Variants in COLEC12 observed in about 807,000 individuals in gnomAD.
COLEC12 encodes collectin subfamily member 12.
In COLEC12, 33 loss-of-function variants were observed where a neutral mutation model predicts 71.1. That is an observed-to-expected ratio of 0.46 (90% confidence interval 0.35 to 0.62). The LOEUF (loss-of-function observed/expected upper bound fraction) is 0.62. COLEC12 is among the 20% of genes least tolerant of loss of function. The probability of loss-of-function intolerance (pLI) is 0.00; values close to 1 mark genes in which losing one functional copy is unlikely to be tolerated. For synonymous variants in COLEC12, 350 were observed against 353.0 expected (o/e 0.99, Z 0.10); for missense variants, 765 against 916.1 (o/e 0.84, Z 2.13).
At chr18:433,444 T>C (rs550251019) in intron 2 of COLEC12, among the ~76,000 whole-genome samples, 4 of 152,270 alleles carry the variant, frequency 2.6e-5, no homozygotes, top group Admixed American at 6.5e-5. Flanking sequence ...AAACCTCAGA[T>C]AGTCTGAAGG....
chr18:425,891 CT>C (rs1916190002), intron 2 of COLEC12, among the ~76,000 whole-genome samples: 1 of 152,196 alleles, frequency 6.6e-6, no homozygotes, highest in South Asian at 2.1e-4. Context: ...GAACCCCAAG[CT>C]AAGCCGAGAG....
intron 2 of COLEC12, among the ~76,000 whole-genome samples, chr18:435,912 C>T (rs1224039395): frequency 6.6e-6 from 1 of 152,182 alleles, no homozygotes; most frequent in East Asian, 1.9e-4. Context: ...TGGTAAAAGA[C>T]TCAGACGGCA....
Position 344,362 on chromosome 18 carries a change from G to A in COLEC12, c.1327+1933C>T, listed in dbSNP as rs149379761. On this transcript the variant is annotated intron_variant, in intron 5 of 9. Transcript: ENST00000400256. Reference sequence around the variant, plus strand: ...CACCCAGTGGCATTCCTCAGACAGAGCAACTTTAAATAAGTGCAGATGGCT... The same window carrying A: ...CACCCAGTGGCATTCCTCAGACAGAACAACTTTAAATAAGTGCAGATGGCT... Among the ~76,000 whole-genome samples the A allele has an allele frequency of 2.6e-5, 4 of 152,310 alleles. No homozygotes were observed. In the South Asian group the frequency reaches 6.2e-4, roughly 24 times the overall value.
intron 1 of COLEC12, among the ~76,000 whole-genome samples, chr18:499,310 C>A (rs1324534060): frequency 6.6e-6 from 1 of 152,180 alleles, no homozygotes; most frequent in Non-Finnish European, 1.5e-5. Flanking sequence ...CAGTCACCTC[C>A]CTTCCCGAGG....
At chr18:336,592 C>T (rs1193476060) in intron 5 of COLEC12, among the ~76,000 whole-genome samples, 1 of 152,148 alleles carries the variant, frequency 6.6e-6, no homozygotes, top group Non-Finnish European at 1.5e-5. Context: ...CTGACCTTGC[C>T]TGTGCGGTAG....
chr18:346,923 A>G lies in COLEC12; in HGVS notation c.699T>C (p.Ala233=). The G allele has an allele frequency of 4.3e-6, 7 of 1,614,178 alleles. No individual in the cohort carries two copies. Among genetic ancestry groups the G allele is most frequent in the Non-Finnish European group, 5.9e-6 (7 of 1,180,008 alleles). Residue 233 remains alanine (A), a synonymous_variant, in exon 5 of 10, where the codon GCT becomes GCC. Coordinates refer to ENST00000400256, the MANE Select transcript of COLEC12 (RefSeq NM_130386.3). This position sits in a 1 kb window ranked among gnomAD's most constrained non-coding sequence, Gnocchi z 4.0. ...LQRSVDDTSQ[A]IQRIKNDFQN... is the part of the protein sequence containing the mutation. ...GAAAGTCGTTCTTGATTCGCTGGATAGCCTGGCTTGTGTCATCCACAGACC... is the reference window on the plus strand; with the variant it reads ...GAAAGTCGTTCTTGATTCGCTGGATGGCCTGGCTTGTGTCATCCACAGACC...
chr18:444,630 A>G (rs1916610073), intron 2 of COLEC12, among the ~76,000 whole-genome samples: 2 of 152,086 alleles, frequency 1.3e-5, no homozygotes. Flanking sequence ...AATTTTTTGG[A>G]GGTGGGGGTG....
intron 1 of COLEC12, among the ~76,000 whole-genome samples, chr18:485,201 C>T (rs912366853): frequency 4.6e-5 from 7 of 152,198 alleles, no homozygotes; most frequent in African/African-American, 7.2e-5. Flanking sequence ...TTTACAGTAT[C>T]GGGGCCTGCA....
chr18:403,481 G>A (rs756610560), intron 2 of COLEC12, among the ~76,000 whole-genome samples: 39 of 152,198 alleles, frequency 2.6e-4, no homozygotes, highest in Non-Finnish European at 5.1e-4. Flanking sequence ...GACAGCCTGG[G>A]TATGCTCACA....
chr18:472,343 T>G (rs1917213896), intron 2 of COLEC12, among the ~76,000 whole-genome samples: 3 of 152,264 alleles, frequency 2.0e-5, no homozygotes, highest in African/African-American at 7.2e-5. Context: ...TCTTTACTGA[T>G]GGCCACCAAC....
At chr18:364,518 G>C (rs1176597413) in intron 2 of COLEC12, among the ~76,000 whole-genome samples, 1 of 152,190 alleles carries the variant, frequency 6.6e-6, no homozygotes, top group Non-Finnish European at 1.5e-5. Flanking sequence ...TGGGCACAGA[G>C]TGAACTGTCA....
intron 2 of COLEC12, among the ~76,000 whole-genome samples, chr18:442,948 G>A (rs1205647833): frequency 2.6e-5 from 4 of 152,180 alleles, no homozygotes; most frequent in African/African-American, 4.8e-5. Context: ...GCGACAGAGC[G>A]AGACTCTGTC....
At chr18:385,848 T>C (rs1915333613) in intron 2 of COLEC12, among the ~76,000 whole-genome samples, 1 of 151,908 alleles carries the variant, frequency 6.6e-6, no homozygotes, top group Non-Finnish European at 1.5e-5. Context: ...ATGCTGATAC[T>C]GGTTACCAGA....
At position 362,147 on chromosome 18, in the gene COLEC12, T is replaced by G. The variant is rs969556965; in HGVS notation, c.59-4625A>C. ...CTGTGGCCGCCAGGCATCTGGTGCA[T>G]GTGGTATTCGTGCAGATCCAAGCCC... On this transcript the variant is annotated intron_variant, in intron 2 of 9. Coordinates refer to ENST00000400256, the MANE Select transcript of COLEC12 (RefSeq NM_130386.3). The surrounding 1 kb of genome is among the most constrained non-coding windows in gnomAD (Gnocchi z 4.6). Among the ~76,000 whole-genome samples the G allele has an allele frequency of 6.6e-6, 1 of 152,138 alleles. No individual in the cohort carries two copies. Among genetic ancestry groups the G allele is most frequent in the East Asian group, 1.9e-4 (1 of 5,182 alleles).
intron 2 of COLEC12, among the ~76,000 whole-genome samples, chr18:463,720 C>T (rs573586420): frequency 1.1e-4 from 17 of 152,316 alleles, no homozygotes; most frequent in Admixed American, 7.8e-4. Flanking sequence ...TTCTCTCTCA[C>T]TTCATTCCCG....
intron 6 of COLEC12, chr18:333,885 TA>T (rs1914043194): frequency 6.6e-6 from 1 of 152,096 alleles, no homozygotes; most frequent in Admixed American, 6.6e-5. Context: ...CTCCTATAAA[TA>T]AACAAGTGCA....
Position 487,058 on chromosome 18 carries a change from G to A in COLEC12, c.8-6301C>T, listed in dbSNP as rs917054845. On this transcript the variant is annotated intron_variant, in intron 1 of 9. Coordinates refer to ENST00000400256, the MANE Select transcript of COLEC12 (RefSeq NM_130386.3). ...CATTATTCATAACAGCAAAAAAAGG[G>A]GGGGAGACAAGCCAAAGGTTCACTG... Among the ~76,000 whole-genome samples the A allele has an allele frequency of 4.6e-5, 7 of 152,310 alleles. 2 individuals are homozygous for A. The South Asian group carries it at 1.5e-3, about 32-fold the overall frequency.
chr18:425,277 G>A (rs1266257243), intron 2 of COLEC12, among the ~76,000 whole-genome samples: 1 of 152,174 alleles, frequency 6.6e-6, no homozygotes, highest in African/African-American at 2.4e-5. Flanking sequence ...CCGGCCTACT[G>A]GAAGCATCTT....
rs529479236 is a variant in COLEC12, at chr18:411,037, C to T, written c.59-53515G>A. ...TTACTACTGCCTACCCATAATGGAG[C>T]CACCCCTACTGCGCTATCAAAAGAA... On this transcript the variant is annotated intron_variant, in intron 2 of 9. Coordinates refer to ENST00000400256, the MANE Select transcript of COLEC12 (RefSeq NM_130386.3). 2.6e-5 allele frequency among the ~76,000 whole-genome samples: 4 copies of T among 152,214 alleles called. 1 individual carries two copies. The South Asian group carries it at 8.3e-4, about 32-fold the overall frequency.
Sources: gnomAD v4.1 joint callset for allele counts (sites outside exome capture counted in the v4.1 genomes callset) on GRCh38, gnomAD v4.1.1 for gene constraint, Gnocchi (gnomAD v3.1) non-coding constraint, MANE v1.5 for transcripts, NCBI Gene and HGNC (gene_info 2026-07-23, HGNC 2026-07-21) for gene names.